The following SEMA3D variants were observed in gnomAD, a reference collection of about 807,000 sequenced individuals.
SEMA3D encodes semaphorin-3D.
A neutral mutation model predicts 100.1 loss-of-function variants in SEMA3D; 84 were observed. The observed-to-expected ratio is 0.84, with a 90% CI of 0.70 to 1.01. The LOEUF is 1.01. Among genes scored for constraint, SEMA3D ranks in the 50% least tolerant of loss-of-function variants. The probability of loss-of-function intolerance (pLI) is 0.00; values close to 1 mark genes in which losing one functional copy is unlikely to be tolerated. For synonymous variants in SEMA3D, 312 were observed against 320.7 expected, an observed-to-expected ratio of 0.97 and a Z score of 0.29; for missense variants, 875 against 934.1, an observed-to-expected ratio of 0.94 and a Z score of 0.82.
chr7:84,998,323 A>T lies in SEMA3D; in HGVS notation c.*1117T>A, dbSNP rs1789559387. On this transcript the variant is annotated 3_prime_UTR_variant, in exon 19 of 19. Coordinates refer to ENST00000284136, the MANE Select transcript of SEMA3D (RefSeq NM_001384900.1). The stretch of plus-strand genomic sequence containing the variant: ...ATACAGAGTATGATAAATATTTTTT[A>T]AAAGAGAGAAAATATATACTGAAAT... 6.6e-6 allele frequency: 1 copy of T among 152,318 alleles called. No homozygotes were observed. Among genetic ancestry groups the T allele is most frequent in the South Asian group, 2.1e-4 (1 of 4,834 alleles). 9.4% of individuals were successfully genotyped at this position (152,318 alleles called of 1,614,324 possible).
At chr7:85,169,025 G>A (rs982947467) in intron 1 of SEMA3D, among the ~76,000 whole-genome samples, 2 of 151,266 alleles carry the variant, frequency 1.3e-5, no homozygotes, top group African/African-American at 4.8e-5. Context: ...GAAATACTAT[G>A]AGTTCATGAG....
rs557680094 is a variant in SEMA3D, at chr7:85,040,887, A to G, written c.977-145T>C. ...TATTATGCCTTGAGAAATCAAATAT[A>G]AGATTGTTTTTTCTCAATGACTATG... On this transcript the variant is annotated intron_variant, in intron 10 of 18. Coordinates refer to ENST00000284136, the MANE Select transcript of SEMA3D (RefSeq NM_001384900.1). 366 of 548,950 alleles carry G rather than the reference A, an allele frequency of 6.7e-4. 1 individual carries two copies. The highest frequency in any genetic ancestry group is 6.7e-3 in the African/African-American group (343 of 51,502). The allele number at this position is 548,950 out of a possible 1,614,324, so 34.0% of individuals were successfully genotyped here. A position where few individuals can be genotyped will look rare whatever the true frequency, so the allele number is the denominator to read the frequency against.
intron 6 of SEMA3D, among the ~76,000 whole-genome samples, chr7:85,069,780 T>C (rs180865442): frequency 6.6e-6 from 1 of 152,312 alleles, no homozygotes; most frequent in Admixed American, 6.5e-5. Flanking sequence ...AAAGATACGA[T>C]CTGCAGCAGC....
intron 11 of SEMA3D, among the ~76,000 whole-genome samples, chr7:85,040,341 C>T (rs1443447507): frequency 6.6e-6 from 1 of 151,900 alleles, no homozygotes; most frequent in Admixed American, 6.6e-5. Flanking sequence ...ACGTTTGTTC[C>T]TATGGGGAAG....
At chr7:85,098,924 T>C (rs1274608914) in intron 3 of SEMA3D, among the ~76,000 whole-genome samples, 1 of 151,920 alleles carries the variant, frequency 6.6e-6, no homozygotes. Flanking sequence ...GTTTAAACCA[T>C]ACATATGTTG....
chr7:85,226,707 T>C, the SEMA3D span, among the ~76,000 whole-genome samples: 1 of 152,130 alleles, frequency 6.6e-6, no homozygotes. Context: ...AGTCTTCATA[T>C]ATAAGAAATG....
intron 6 of SEMA3D, among the ~76,000 whole-genome samples, chr7:85,070,152 T>A (rs1008906047): frequency 1.3e-5 from 2 of 152,228 alleles, no homozygotes; most frequent in Non-Finnish European, 1.5e-5. Context: ...TATTTCAAAC[T>A]ATGGCCATCT....
At chr7:85,144,954 T>C (rs1790160886) in intron 2 of SEMA3D, among the ~76,000 whole-genome samples, 12 of 152,156 alleles carry the variant, frequency 7.9e-5, no homozygotes, top group Admixed American at 7.9e-4. Context: ...TACACAATTC[T>C]AGCTTGGCTT....
intron 2 of SEMA3D, chr7:85,140,501 A>C (rs1790015443): frequency 1.0e-6 from 1 of 983,808 alleles, no homozygotes; most frequent in Non-Finnish European, 1.2e-6. Flanking sequence ...AAAAAGAAAA[A>C]TTGAGACACT....
chr7:85,128,589 T>G (rs11489702), intron 2 of SEMA3D, among the ~76,000 whole-genome samples: 87,192 of 151,894 alleles, frequency 0.57, 26,365 homozygotes, highest in African/African-American at 0.77. Context: ...AAATTTTAAT[T>G]TATTCCTTTC....
intron 12 of SEMA3D, among the ~76,000 whole-genome samples, chr7:85,026,354 T>C (rs1021066171): frequency 6.6e-6 from 1 of 152,030 alleles, no homozygotes; most frequent in Non-Finnish European, 1.5e-5. Context: ...GAATTCAATA[T>C]GATAGAGAGA....
At chr7:85,241,140 G>A in the SEMA3D span, among the ~76,000 whole-genome samples, 1 of 151,856 alleles carries the variant, frequency 6.6e-6, no homozygotes, top group African/African-American at 2.4e-5. Context: ...CTGCAAGAAT[G>A]GCCATAATAA....
intron 2 of SEMA3D, among the ~76,000 whole-genome samples, chr7:85,147,214 T>C (rs1258601671): frequency 6.6e-6 from 1 of 151,296 alleles, no homozygotes; most frequent in Non-Finnish European, 1.5e-5. Flanking sequence ...GTGTTGCTCT[T>C]GTCTCAGCCT....
At chr7:85,204,638 G>C in the SEMA3D span, among the ~76,000 whole-genome samples, 1 of 152,120 alleles carries the variant, frequency 6.6e-6, no homozygotes, top group Non-Finnish European at 1.5e-5. Context: ...TCAACAAGGA[G>C]AGTCTTCTTG....
chr7:85,208,419 T>C, the SEMA3D span, among the ~76,000 whole-genome samples: 2 of 152,044 alleles, frequency 1.3e-5, no homozygotes, highest in Non-Finnish European at 2.9e-5. Flanking sequence ...AATGCCAAAT[T>C]TGAAACAAAA....
At chr7:85,195,441 C>CT in the SEMA3D span, among the ~76,000 whole-genome samples, 295 of 150,918 alleles carry the variant, frequency 2.0e-3, 2 homozygotes, top group Middle Eastern at 3.4e-3. Flanking sequence ...TCCTTTTTTT[C>CT]TTTTTTTTTG....
intron 1 of SEMA3D, chr7:85,167,161 T>C: frequency 1.9e-6 from 1 of 526,466 alleles, no homozygotes; most frequent in Non-Finnish European, 2.4e-6. Context: ...AATATTATGT[T>C]TCATCATGCA....
chr7:85,035,339 G>A (rs1790664617), intron 12 of SEMA3D, among the ~76,000 whole-genome samples: 3 of 151,328 alleles, frequency 2.0e-5, no homozygotes, highest in African/African-American at 7.3e-5. Flanking sequence ...TGTGCATATA[G>A]ATATCATATA....
chr7:85,029,056 G>A, intron 12 of SEMA3D: 1 of 515,924 alleles, frequency 1.9e-6, no homozygotes, highest in Non-Finnish European at 3.7e-6. Flanking sequence ...TGGAGTCATG[G>A]CTGTCCTCAT....
Sources: allele counts gnomAD v4.1 joint callset (sites outside exome capture counted in the v4.1 genomes callset), GRCh38; gene constraint gnomAD v4.1.1; transcripts MANE v1.5; gene names NCBI Gene and HGNC (gene_info 2026-07-23, HGNC 2026-07-21).